The following SLC4A4 variants were observed in gnomAD, a reference collection of about 807,000 sequenced individuals.
The protein encoded by SLC4A4 is electrogenic sodium bicarbonate cotransporter 1.
In SLC4A4, 27 loss-of-function variants were observed where a neutral mutation model predicts 111.5. The ratio of observed to expected loss-of-function variants is 0.24; its 90% CI spans 0.18 to 0.33. The LOEUF (loss-of-function observed/expected upper bound fraction) is 0.33. Among genes scored for constraint, SLC4A4 ranks in the 10% least tolerant of loss-of-function variants. The pLI is 1.00. For synonymous variants in SLC4A4, 443 were observed against 463.4 expected, an observed-to-expected ratio of 0.96 and a Z score of 0.57; for missense variants, 909 against 1,315.5, an observed-to-expected ratio of 0.69 and a Z score of 4.78.
intron 4 of SLC4A4, among the ~76,000 whole-genome samples, chr4:71,347,196 CA>C (rs371466272): frequency 0.025 from 3,800 of 152,124 alleles, 56 homozygotes; most frequent in Middle Eastern, 0.051. Flanking sequence ...AGGTTGCCTA[CA>C]ATATAAACTA....
intron 16 of SLC4A4, among the ~76,000 whole-genome samples, chr4:71,527,047 C>A (rs1163817327): frequency 6.6e-6 from 1 of 152,086 alleles, no homozygotes; most frequent in East Asian, 1.9e-4. Flanking sequence ...TTCTCTGCAA[C>A]CTTAATTTGC....
At chr4:71,354,573 T>C (rs1730118284) in intron 5 of SLC4A4, among the ~76,000 whole-genome samples, 1 of 152,216 alleles carries the variant, frequency 6.6e-6, no homozygotes, top group Non-Finnish European at 1.5e-5. Context: ...TATTTATTTA[T>C]ATATTTTTGG....
intron 3 of SLC4A4, among the ~76,000 whole-genome samples, chr4:71,337,905 C>T (rs943455413): frequency 6.6e-6 from 1 of 152,022 alleles, no homozygotes; most frequent in Admixed American, 6.6e-5. Context: ...TCTCGGCTCA[C>T]TGCAACCTCT....
intron 2 of SLC4A4, among the ~76,000 whole-genome samples, chr4:71,243,096 G>A (rs1381718757): frequency 1.3e-5 from 2 of 152,118 alleles, no homozygotes; most frequent in Admixed American, 6.6e-5. Flanking sequence ...TGTATACTGG[G>A]TAAAACGCAA....
At chr4:71,368,025 A>T (rs571188511) in intron 6 of SLC4A4, among the ~76,000 whole-genome samples, 4 of 152,162 alleles carry the variant, frequency 2.6e-5, no homozygotes, top group African/African-American at 4.8e-5. Context: ...TGCCTTGATC[A>T]TTTAATGATG....
intron 14 of SLC4A4, among the ~76,000 whole-genome samples, 162 bp from the exon 15 acceptor site, chr4:71,486,786 A>T (rs187450392): frequency 9.2e-5 from 14 of 151,616 alleles, no homozygotes; most frequent in Non-Finnish European, 1.8e-4. Context: ...ATCTAGGTGA[A>T]AGGTGAACAC....
At chr4:71,103,174 A>C (rs1184785137) in intron 2 of SLC4A4, among the ~76,000 whole-genome samples, 2 of 151,596 alleles carry the variant, frequency 1.3e-5, no homozygotes, top group Non-Finnish European at 2.9e-5. Flanking sequence ...GAGACAAAGA[A>C]GGCCATTACA....
chr4:71,136,363 T>C (rs1743842737), intron 2 of SLC4A4, among the ~76,000 whole-genome samples: 1 of 152,220 alleles, frequency 6.6e-6, no homozygotes, highest in African/African-American at 2.4e-5. Flanking sequence ...TTTTGAGTTC[T>C]CTTGAGAGAG....
intron 2 of SLC4A4, among the ~76,000 whole-genome samples, chr4:71,177,141 C>G (rs112109445): frequency 3.9e-5 from 6 of 152,134 alleles, no homozygotes. Context: ...GAGATTTTGT[C>G]ACCACCAGGC....
intron 3 of SLC4A4, among the ~76,000 whole-genome samples, chr4:71,307,519 A>C (rs1005306079): frequency 6.6e-6 from 1 of 152,240 alleles, no homozygotes; most frequent in African/African-American, 2.4e-5. Context: ...ATAGAATGAG[A>C]GTAGCTGAGG....
intron 7 of SLC4A4, among the ~76,000 whole-genome samples, chr4:71,432,966 A>G (rs1723778134): frequency 6.6e-6 from 1 of 152,090 alleles, no homozygotes; most frequent in African/African-American, 2.4e-5. Flanking sequence ...ATATTGGATA[A>G]GTATATATCA....
At chr4:71,249,081 C>T (rs1011788) in intron 2 of SLC4A4, among the ~76,000 whole-genome samples, 4,438 of 152,066 alleles carry the variant, frequency 0.029, 158 homozygotes, top group African/African-American at 0.085. Context: ...GCTAAGATTT[C>T]TTATCAGTCT....
intron 2 of SLC4A4, among the ~76,000 whole-genome samples, chr4:71,243,829 T>C (rs1404338872): frequency 6.6e-6 from 1 of 152,240 alleles, no homozygotes; most frequent in Non-Finnish European, 1.5e-5. Flanking sequence ...CCAATGTGTG[T>C]ACCTTTCTTC....
At chr4:71,180,025 C>G (rs565670920) in intron 2 of SLC4A4, among the ~76,000 whole-genome samples, 29 of 152,144 alleles carry the variant, frequency 1.9e-4, no homozygotes, top group Non-Finnish European at 4.1e-4. Context: ...TGGAACAGAA[C>G]AGAGCCCTCA....
intron 6 of SLC4A4, among the ~76,000 whole-genome samples, chr4:71,371,245 CTTTT>C (rs71213506): frequency 3.3e-5 from 4 of 120,074 alleles, no homozygotes; most frequent in Non-Finnish European, 4.9e-5. Flanking sequence ...CCAGGAATGC[CTTTT>C]TTTTTTTTTT....
intron 7 of SLC4A4, among the ~76,000 whole-genome samples, chr4:71,399,265 G>A (rs1288263378): frequency 6.6e-6 from 1 of 151,928 alleles, no homozygotes; most frequent in Non-Finnish European, 1.5e-5. Flanking sequence ...AAGTGGGTGA[G>A]TTTGAAGATT....
chr4:71,464,811 C>T (rs1009248969), intron 12 of SLC4A4, among the ~76,000 whole-genome samples: 5 of 152,112 alleles, frequency 3.3e-5, no homozygotes, highest in South Asian at 2.1e-4. Flanking sequence ...ATGTTGCTGT[C>T]TCTGAAGTAG....
At chr4:71,463,014 A>T (rs1165823400) in intron 12 of SLC4A4, among the ~76,000 whole-genome samples, 1 of 152,180 alleles carries the variant, frequency 6.6e-6, no homozygotes, top group Non-Finnish European at 1.5e-5. Flanking sequence ...TAAGACCATC[A>T]GCTCTCTTTG....
At chr4:71,557,657 T>C (rs1736591713) in intron 21 of SLC4A4, 55 bp from the exon 22 acceptor site, 1 of 1,520,246 alleles carries the variant, frequency 6.6e-7, no homozygotes, top group East Asian at 2.3e-5. Flanking sequence ...TAGTTAGGCA[T>C]AGTGGAAATG....
Sources: gnomAD v4.1 joint callset for allele counts (sites outside exome capture counted in the v4.1 genomes callset) on GRCh38, gnomAD v4.1.1 for gene constraint, MANE v1.5 for transcripts, NCBI Gene and HGNC (gene_info 2026-07-23, HGNC 2026-07-21) for gene names.